The following PUM2 variants were observed in gnomAD, a reference collection of about 807,000 sequenced individuals.
PUM2 encodes the protein pumilio homolog 2.
A neutral mutation model predicts 124.5 loss-of-function variants in PUM2; 57 were observed. The observed-to-expected ratio is 0.46, with a 90% CI of 0.37 to 0.57. The LOEUF (loss-of-function observed/expected upper bound fraction) is 0.57, where lower values mean the gene tolerates loss of function less well. Ranked by LOEUF, PUM2 falls within the 20% of genes least tolerant of loss-of-function variation. The pLI, the probability that PUM2 is intolerant of heterozygous loss-of-function variation, is 0.00. For synonymous variants in PUM2, 460 were observed against 446.1 expected, an observed-to-expected ratio of 1.03 and a Z score of -0.39; for missense variants, 1,065 against 1,290.6, an observed-to-expected ratio of 0.83 and a Z score of 2.68.
At chr2:20,339,774 G>C (rs535739797) in intron 1 of PUM2, among the ~76,000 whole-genome samples, 2 of 152,238 alleles carry the variant, frequency 1.3e-5, no homozygotes, top group Non-Finnish European at 2.9e-5. Context: ...CATCCTCTTG[G>C]GAGGCTGAAG....
intron 9 of PUM2, among the ~76,000 whole-genome samples, chr2:20,291,503 GAGAATGTTGAACA>G (rs1323531655): frequency 6.6e-6 from 1 of 152,208 alleles, no homozygotes; most frequent in Non-Finnish European, 1.5e-5. Flanking sequence ...TTCTTGAGAA[GAGAATGTTGAACA>G]AGTCAAGTCC....
intron 7 of PUM2, among the ~76,000 whole-genome samples, chr2:20,307,611 A>AC (rs746422289): frequency 6.6e-6 from 1 of 152,202 alleles, no homozygotes; most frequent in Non-Finnish European, 1.5e-5. Flanking sequence ...ATTAAAAGTC[A>AC]AAGACCAAAT....
chr2:20,322,551 A>C (rs1682623969), intron 2 of PUM2, among the ~76,000 whole-genome samples: 2 of 152,314 alleles, frequency 1.3e-5, no homozygotes, highest in African/African-American at 2.4e-5. Flanking sequence ...TCAAGGCTGC[A>C]GCGAGCTATA....
intron 1 of PUM2, among the ~76,000 whole-genome samples, chr2:20,338,356 C>T (rs1394773779): frequency 6.6e-6 from 1 of 152,152 alleles, no homozygotes; most frequent in Non-Finnish European, 1.5e-5. Flanking sequence ...GAGACTGCAC[C>T]ACTGCACTCC....
At chr2:20,258,700 G>A (rs1300056498) in intron 15 of PUM2, among the ~76,000 whole-genome samples, 5 of 118,124 alleles carry the variant, frequency 4.2e-5, no homozygotes, top group South Asian at 2.7e-4. Context: ...TCGCTCTGTC[G>A]CCCAGGCTGG....
intron 13 of PUM2, among the ~76,000 whole-genome samples, chr2:20,275,847 A>G (rs530199933): frequency 6.6e-6 from 1 of 152,250 alleles, no homozygotes; most frequent in Admixed American, 6.5e-5. Context: ...AAAAAGATGA[A>G]GGAAAAACAA....
At chr2:20,311,413 A>G in intron 5 of PUM2, 81 bp downstream of exon 5, 1 of 1,379,058 alleles carries the variant, frequency 7.3e-7, no homozygotes, top group South Asian at 1.6e-5. Context: ...AATGATGAAA[A>G]TGTCTAAATC....
At chr2:20,305,205 C>T (rs1441102524) in intron 7 of PUM2, among the ~76,000 whole-genome samples, 2 of 152,074 alleles carry the variant, frequency 1.3e-5, no homozygotes, top group Non-Finnish European at 2.9e-5. Flanking sequence ...AAAGAAATGG[C>T]TGGGCGCAGT....
intron 7 of PUM2, among the ~76,000 whole-genome samples, chr2:20,302,767 AAAAG>A (rs1430992513): frequency 1.3e-5 from 2 of 152,238 alleles, no homozygotes; most frequent in Admixed American, 6.5e-5. Flanking sequence ...GGCAGATATG[AAAAG>A]AAAGAATTTG....
At chr2:20,284,747 C>T (rs1672339581) in intron 10 of PUM2, among the ~76,000 whole-genome samples, 1 of 152,160 alleles carries the variant, frequency 6.6e-6, no homozygotes, top group African/African-American at 2.4e-5. Flanking sequence ...AGTGATAATG[C>T]AGCATGAACA....
rs75012163 is a variant in PUM2, at chr2:20,307,963, C to T, written c.883+15G>A. The T allele has an allele frequency of 1.1e-5, 17 of 1,601,822 alleles. No homozygotes were observed. Among genetic ancestry groups the T allele is most frequent in the Middle Eastern group, 1.7e-4 (1 of 6,044 alleles). On this transcript the variant is annotated intron_variant, in intron 7 of 20. Transcript: ENST00000361078. ...AACAAGACTTTGGTCAAAATGAGAA[C>T]GTATGAAGACTCACCTATATGTGGC...
intron 8 of PUM2, among the ~76,000 whole-genome samples, chr2:20,296,489 T>C (rs1463462516): frequency 2.8e-4 from 38 of 134,974 alleles, no homozygotes; most frequent in Non-Finnish European, 5.2e-4. Flanking sequence ...AGCGAGACTC[T>C]GTCTCAAAAA....
intron 1 of PUM2, among the ~76,000 whole-genome samples, chr2:20,339,284 G>C (rs1686746660): frequency 2.0e-5 from 3 of 151,786 alleles, no homozygotes; most frequent in Non-Finnish European, 4.4e-5. Flanking sequence ...GGGAGATTGA[G>C]GTGGCAAGAA....
intron 13 of PUM2, among the ~76,000 whole-genome samples, chr2:20,276,987 A>G (rs1481732312): frequency 1.3e-5 from 2 of 152,110 alleles, no homozygotes; most frequent in African/African-American, 4.8e-5. Context: ...AAAGAAAGGT[A>G]GAGAAGCACA....
In PUM2 at chr2:20,283,398, T is replaced by C. The variant is rs777221219; in HGVS notation, c.1380A>G (p.Pro460=). Residue 460 remains proline, a synonymous_variant, in exon 11 of 21, where the codon CCA becomes CCG. Transcript: ENST00000361078. ...CAGGTGTTGGAGCCATTAACCGAAC[T>C]GGAGCTCCAAGGCCAGTCCTTGCTC... ...GPGARTGLGA[P]VRLMAPTPVL... 25 of 1,613,962 alleles carry C rather than the reference T, an allele frequency of 1.5e-5. No individual in the cohort carries two copies. The Middle Eastern group carries it at 4.9e-4, about 32-fold the overall frequency.
At chr2:20,298,921 TA>T (rs1335307429) in intron 7 of PUM2, among the ~76,000 whole-genome samples, 2 of 152,262 alleles carry the variant, frequency 1.3e-5, no homozygotes, top group African/African-American at 4.8e-5. Flanking sequence ...TACTAGGCCT[TA>T]AAATCAAAAT....
intron 19 of PUM2, 43 bp from the exon 20 acceptor site, chr2:20,254,057 T>C: frequency 1.3e-6 from 2 of 1,536,780 alleles, no homozygotes; most frequent in Non-Finnish European, 1.8e-6. Flanking sequence ...TATTTTTTTC[T>C]TCACAGCAAA....
intron 5 of PUM2, among the ~76,000 whole-genome samples, chr2:20,310,127 G>C (rs199647840): frequency 6.6e-6 from 1 of 152,130 alleles, no homozygotes; most frequent in East Asian, 1.9e-4. Flanking sequence ...AGTTAATGTA[G>C]AAATTAATGA....
intron 1 of PUM2, chr2:20,350,374 G>A: frequency 5.3e-6 from 4 of 748,582 alleles, no homozygotes; most frequent in Non-Finnish European, 6.5e-6. Flanking sequence ...CGGGAAAGCG[G>A]CCGGCGCGGC....
Sources: gnomAD v4.1 joint callset for allele counts (sites outside exome capture counted in the v4.1 genomes callset) on GRCh38, gnomAD v4.1.1 for gene constraint, MANE v1.5 for transcripts, NCBI Gene and HGNC (gene_info 2026-07-23, HGNC 2026-07-21) for gene names.